Variants in WWOX observed in about 807,000 individuals in gnomAD.
WWOX encodes WW domain containing oxidoreductase.
WWOX carries 69 observed loss-of-function variants against 46.2 expected under a neutral mutation model. The observed-to-expected ratio is 1.49, with a 90% CI of 1.23 to 1.82. The LOEUF is 1.82. WWOX is among the 40% of genes most tolerant of loss of function. The pLI, the probability that WWOX is intolerant of heterozygous loss-of-function variation, is 0.00. For missense variants in WWOX, 919 were observed against 542.6 expected (o/e 1.69, Z -6.89); for synonymous variants, 359 against 202.6 (o/e 1.77, Z -6.56).
chr16:78,792,222 C>G (rs190035417), intron 8 of WWOX, among the ~76,000 whole-genome samples: 178 of 152,312 alleles, frequency 1.2e-3, no homozygotes, highest in African/African-American at 4.2e-3. Context: ...AGCTCCCCTG[C>G]ATTGCTCTGC....
intron 8 of WWOX, chr16:78,890,783 C>G (rs2044573155): frequency 6.6e-6 from 1 of 152,194 alleles, no homozygotes; most frequent in African/African-American, 2.4e-5. Context: ...TAGCCTTGTT[C>G]AAGGTAACAG....
intron 4 of WWOX, among the ~76,000 whole-genome samples, chr16:78,135,720 A>G (rs1198505764): frequency 6.6e-6 from 1 of 152,190 alleles, no homozygotes; most frequent in Non-Finnish European, 1.5e-5. Flanking sequence ...AACAACAAAA[A>G]AAACACCTTC....
chr16:78,129,374 C>G (rs1210862253), intron 4 of WWOX, among the ~76,000 whole-genome samples: 1 of 152,172 alleles, frequency 6.6e-6, no homozygotes, highest in Non-Finnish European at 1.5e-5. Context: ...TGGACCACCA[C>G]AAACTCGGTG....
chr16:79,034,607 C>T (rs552806238), intron 8 of WWOX, among the ~76,000 whole-genome samples: 2 of 152,098 alleles, frequency 1.3e-5, no homozygotes, highest in African/African-American at 2.4e-5. Flanking sequence ...ATTATCTGTT[C>T]CTGGATTGTC....
chr16:79,068,652 A>AC (rs111474248), intron 8 of WWOX, among the ~76,000 whole-genome samples: 2 of 149,382 alleles, frequency 1.3e-5, no homozygotes, highest in Non-Finnish European at 3.0e-5. Flanking sequence ...AACAACAACA[A>AC]AAAAAAAAAT....
chr16:79,088,953 G>A (rs1567541862), intron 8 of WWOX, among the ~76,000 whole-genome samples: 1 of 152,028 alleles, frequency 6.6e-6, no homozygotes, highest in African/African-American at 2.4e-5. Flanking sequence ...TTGTCTTAAT[G>A]TTTAGTGTAA....
At chr16:78,374,478 C>G (rs1272986402) in intron 5 of WWOX, among the ~76,000 whole-genome samples, 2 of 146,452 alleles carry the variant, frequency 1.4e-5, no homozygotes, top group Non-Finnish European at 1.5e-5. Context: ...AAACTGATGA[C>G]TCTTTTTGTG....
intron 8 of WWOX, among the ~76,000 whole-genome samples, chr16:78,760,507 C>G (rs2049765795): frequency 6.6e-6 from 1 of 152,306 alleles, no homozygotes; most frequent in South Asian, 2.1e-4. Flanking sequence ...AAACATTACT[C>G]AGCCCAACAC....
intron 6 of WWOX, among the ~76,000 whole-genome samples, chr16:78,416,195 G>T (rs1424376471): frequency 6.6e-6 from 1 of 152,142 alleles, no homozygotes; most frequent in African/African-American, 2.4e-5. Flanking sequence ...TGTCTTTATA[G>T]TTTGAACTTT....
intron 8 of WWOX, among the ~76,000 whole-genome samples, chr16:78,861,869 A>C (rs2043892346): frequency 6.6e-6 from 1 of 152,236 alleles, no homozygotes; most frequent in African/African-American, 2.4e-5. Flanking sequence ...AATGTTTTCT[A>C]TTCAAGGTTG....
intron 5 of WWOX, among the ~76,000 whole-genome samples, chr16:78,372,522 C>G (rs191810187): frequency 3.4e-4 from 52 of 152,266 alleles, no homozygotes; most frequent in Middle Eastern, 3.4e-3. Context: ...AGAGAGCATT[C>G]TTTATCCAGG....
chr16:78,754,288 G>A (rs2049577067), intron 8 of WWOX, among the ~76,000 whole-genome samples: 1 of 152,066 alleles, frequency 6.6e-6, no homozygotes, highest in Non-Finnish European at 1.5e-5. Context: ...TGAGCAATCA[G>A]TGAGTTTCAG....
chr16:78,835,075 G>A (rs1237629475), intron 8 of WWOX, among the ~76,000 whole-genome samples: 5 of 152,070 alleles, frequency 3.3e-5, no homozygotes. Context: ...TTTTACAGAG[G>A]TGGAGGAGGA....
At chr16:78,372,225 A>C (rs182255426) in intron 5 of WWOX, among the ~76,000 whole-genome samples, 2 of 152,030 alleles carry the variant, frequency 1.3e-5, no homozygotes, top group East Asian at 3.9e-4. Context: ...GAACATATTC[A>C]CTTTTCTTCC....
At position 78,426,274 on chromosome 16, in the gene WWOX, G is replaced by C. The variant is rs188890950; in HGVS notation, c.791+1219G>C. On this transcript the variant is annotated intron_variant, in intron 7 of 8. Transcript: ENST00000566780. ...GAGGCTACTGTGGGGGCAGGCAGCAGAGAGAGCTCCAGAAATAAATCTGCC... is the reference window on the plus strand; with the variant it reads ...GAGGCTACTGTGGGGGCAGGCAGCACAGAGAGCTCCAGAAATAAATCTGCC... Among the ~76,000 whole-genome samples the C allele has an allele frequency of 5.4e-4, 82 of 152,306 alleles. 1 individual carries two copies. Among genetic ancestry groups the C allele is most frequent in the Admixed American group, 5.2e-4 (8 of 15,310 alleles).
intron 8 of WWOX, among the ~76,000 whole-genome samples, chr16:78,812,921 C>T (rs796322769): frequency 6.6e-6 from 1 of 152,126 alleles, no homozygotes; most frequent in Admixed American, 6.5e-5. Flanking sequence ...TTTTGACTCA[C>T]TGGTGAATTT....
chr16:78,540,476 T>C (rs1356220159), intron 8 of WWOX, among the ~76,000 whole-genome samples: 3 of 152,310 alleles, frequency 2.0e-5, no homozygotes, highest in Middle Eastern at 6.8e-3. Context: ...CAGGAAATCA[T>C]TGATGTGGGG....
intron 8 of WWOX, among the ~76,000 whole-genome samples, chr16:78,831,280 A>G (rs1271127982): frequency 6.6e-6 from 1 of 152,214 alleles, no homozygotes; most frequent in Non-Finnish European, 1.5e-5. Flanking sequence ...CTTTCAGCAA[A>G]GAATATCTTT....
chr16:78,538,752 C>G (rs2043819767), intron 8 of WWOX, among the ~76,000 whole-genome samples: 1 of 152,136 alleles, frequency 6.6e-6, no homozygotes, highest in East Asian at 1.9e-4. Context: ...GATTTTAAAA[C>G]CCTGATTTAG....
Sources: allele counts gnomAD v4.1 joint callset (sites outside exome capture counted in the v4.1 genomes callset), GRCh38; gene constraint gnomAD v4.1.1; transcripts MANE v1.5; gene names NCBI Gene and HGNC (gene_info 2026-07-23, HGNC 2026-07-21).